The following NFIB variants were observed in gnomAD, a reference collection of about 807,000 sequenced individuals.
NFIB encodes the protein nuclear factor I B.
A neutral mutation model predicts 61.5 loss-of-function variants in NFIB; 11 were observed. The ratio of observed to expected loss-of-function variants is 0.18; its 90% confidence interval spans 0.11 to 0.30. The LOEUF (loss-of-function observed/expected upper bound fraction) is 0.30. Among genes scored for constraint, NFIB ranks in the 10% least tolerant of loss-of-function variants. The pLI is 1.00. For synonymous variants in NFIB, 260 were observed against 216.5 expected (o/e 1.20, Z -1.76); for missense variants, 471 against 608.9 (o/e 0.77, Z 2.38).
the NFIB span, among the ~76,000 whole-genome samples, chr9:14,455,794 T>C: frequency 6.6e-6 from 1 of 152,218 alleles, no homozygotes; most frequent in African/African-American, 2.4e-5. Context: ...TAGAAAATTC[T>C]AAATTCACTT....
the NFIB span, among the ~76,000 whole-genome samples, chr9:14,474,003 G>A: frequency 0.072 from 10,911 of 152,196 alleles, 473 homozygotes; most frequent in East Asian, 0.12. Flanking sequence ...TGTGAGGACG[G>A]AGATGAACTG....
the NFIB span, among the ~76,000 whole-genome samples, chr9:14,404,805 G>A: frequency 1.3e-5 from 2 of 152,072 alleles, no homozygotes; most frequent in African/African-American, 4.8e-5. Context: ...GTCTTCTAAG[G>A]GGCAGCAACA....
At chr9:14,340,687 T>C (rs1387943538) in intron 1 of NFIB, among the ~76,000 whole-genome samples, 1 of 152,238 alleles carries the variant, frequency 6.6e-6, no homozygotes, top group Non-Finnish European at 1.5e-5. Context: ...TTGTGCAGAA[T>C]GTGAATTACA....
the NFIB span, among the ~76,000 whole-genome samples, chr9:14,412,598 G>A: frequency 1.3e-5 from 2 of 152,120 alleles, no homozygotes; most frequent in African/African-American, 2.4e-5. Context: ...TCGGTTGTAG[G>A]GCTTCCAGAA....
chr9:14,406,570 T>C, the NFIB span, among the ~76,000 whole-genome samples: 1 of 152,130 alleles, frequency 6.6e-6, no homozygotes, highest in South Asian at 2.1e-4. Context: ...ACACAGATCT[T>C]TGGCAACCAG....
At chr9:14,349,965 C>T (rs1169532218) in intron 1 of NFIB, among the ~76,000 whole-genome samples, 3 of 152,172 alleles carry the variant, frequency 2.0e-5, no homozygotes, top group Non-Finnish European at 4.4e-5. Context: ...TCTATACCCA[C>T]TCATCTGGGC....
Position 14,125,678 on chromosome 9 carries a change from A to T in NFIB, c.1014T>A (p.Thr338=). Reference sequence around the variant, plus strand: ...TTCCGGGATGGTGGTGCTGGGGGAAAGTGCTCAGTCTTGGGGAAGAATCCT... The same window carrying T: ...TTCCGGGATGGTGGTGCTGGGGGAATGTGCTCAGTCTTGGGGAAGAATCCT... The part of the protein sequence containing the change: ...SPQDSSPRLS[T]FPQHHHPGIP... The change falls in exon 7 of 11, where the codon ACT becomes ACA. Residue 338 remains threonine (T), a synonymous_variant. Transcript: ENST00000380953. 6.2e-7 allele frequency: 1 copy of T among 1,614,136 alleles called. No homozygotes were observed. The highest frequency in any genetic ancestry group is 8.5e-7 in the Non-Finnish European group (1 of 1,180,006).
chr9:14,446,394 T>C, the NFIB span, among the ~76,000 whole-genome samples: 2 of 152,216 alleles, frequency 1.3e-5, no homozygotes, highest in South Asian at 4.1e-4. Context: ...CGTGTTCTCA[T>C]TACACCCCAC....
intron 2 of NFIB, chr9:14,204,658 A>T: frequency 1.5e-6 from 1 of 651,086 alleles, no homozygotes; most frequent in South Asian, 1.8e-5. Context: ...TCCTTCAAGC[A>T]GGAGTTAACA....
rs573538794 is a variant in NFIB at position 14,201,677 on chromosome 9, C to T, written c.563-21897G>A. ...TCTCCAAGATTGTGACCTCCTGTAT[C>T]CCAACTTACCCTGAATAATTTTGGG... On this transcript the variant is annotated intron_variant, in intron 2 of 10. Coordinates refer to ENST00000380953, the MANE Select transcript of NFIB (RefSeq NM_001190737.2). Among the ~76,000 whole-genome samples the T allele has an allele frequency of 8.1e-4, 123 of 152,200 alleles. 1 individual carries two copies. In the South Asian group the frequency reaches 0.025, roughly 31 times the overall value.
At chr9:14,363,513 C>G (rs2061264019) in intron 1 of NFIB, among the ~76,000 whole-genome samples, 3 of 152,018 alleles carry the variant, frequency 2.0e-5, no homozygotes, top group Non-Finnish European at 2.9e-5. Context: ...TCCATACTTT[C>G]CTAAGAGGTG....
At chr9:14,349,662 AATGTGGGCAAAT>A (rs1352368416) in intron 1 of NFIB, among the ~76,000 whole-genome samples, 3 of 152,134 alleles carry the variant, frequency 2.0e-5, no homozygotes, top group Non-Finnish European at 1.5e-5. Context: ...CTGAAAACGA[AATGTGGGCAAAT>A]ATTAGGTAAC....
the NFIB span, among the ~76,000 whole-genome samples, chr9:14,503,088 GTA>G: frequency 0.39 from 57,837 of 147,178 alleles, 11,528 homozygotes; most frequent in South Asian, 0.59. Context: ...GTATTTTATG[GTA>G]TATATATATA....
the NFIB span, among the ~76,000 whole-genome samples, chr9:14,496,292 A>C: frequency 6.6e-6 from 1 of 152,232 alleles, no homozygotes; most frequent in Admixed American, 6.5e-5. Context: ...CCTTATCTAC[A>C]TAACCTGAAG....
intron 2 of NFIB, among the ~76,000 whole-genome samples, chr9:14,249,682 G>A (rs989313036): frequency 6.6e-6 from 1 of 152,030 alleles, no homozygotes; most frequent in Non-Finnish European, 1.5e-5. Context: ...GAGAGAGAGG[G>A]AGGGAGGGGA....
intron 2 of NFIB, chr9:14,305,996 A>AT: frequency 1.5e-6 from 2 of 1,321,546 alleles, no homozygotes; most frequent in Non-Finnish European, 2.0e-6. Flanking sequence ...TGATGCATTT[A>AT]TTTGAAGAAA....
chr9:14,231,135 A>AAAAAT (rs55959148), intron 2 of NFIB, among the ~76,000 whole-genome samples: 65 of 35,350 alleles, frequency 1.8e-3, no homozygotes, highest in African/African-American at 5.6e-3. Flanking sequence ...AAAAAAAAAA[A>AAAAAT]ATATATATAT....
chr9:14,440,404 G>A, the NFIB span, among the ~76,000 whole-genome samples: 2 of 152,102 alleles, frequency 1.3e-5, no homozygotes, highest in African/African-American at 4.8e-5. Flanking sequence ...TTTTTTTATG[G>A]TTAGGTGTTT....
intron 2 of NFIB, among the ~76,000 whole-genome samples, chr9:14,233,508 A>T (rs1445297400): frequency 6.8e-6 from 1 of 147,606 alleles, no homozygotes; most frequent in Non-Finnish European, 1.5e-5. Flanking sequence ...GCTCACTGCA[A>T]CCTCCACCTC....
Sources: allele counts gnomAD v4.1 joint callset (sites outside exome capture counted in the v4.1 genomes callset), GRCh38; gene constraint gnomAD v4.1.1; transcripts MANE v1.5; gene names NCBI Gene and HGNC (gene_info 2026-07-23, HGNC 2026-07-21).